STARD9: variants seen among roughly 807,000 people sequenced by gnomAD.
The protein encoded by STARD9 is StAR related lipid transfer domain containing 9.
A neutral mutation model predicts 399.8 loss-of-function variants in STARD9; 346 were observed. The ratio of observed to expected loss-of-function variants is 0.87; its 90% CI spans 0.79 to 0.95. STARD9 has a LOEUF of 0.95. Ranked by LOEUF, STARD9 falls within the 40% of genes least tolerant of loss-of-function variation. STARD9 has a pLI of 0.00. For missense variants in STARD9, 5,832 were observed against 5,667.5 expected (o/e 1.03, Z -0.93); for synonymous variants, 2,203 against 2,143.5 (o/e 1.03, Z -0.77).
chr15:42,590,767 A>C (rs924095301), intron 3 of STARD9, among the ~76,000 whole-genome samples: 1 of 152,112 alleles, frequency 6.6e-6, no homozygotes, highest in African/African-American at 2.4e-5. Context: ...CGAGAGAGAG[A>C]GAGCGAGAGA....
At chr15:42,581,973 C>A (rs1289908526) in intron 1 of STARD9, among the ~76,000 whole-genome samples, 4 of 152,002 alleles carry the variant, frequency 2.6e-5, no homozygotes, top group Admixed American at 6.6e-5. Flanking sequence ...TCGTCAACAA[C>A]AACAACAACA....
rs1375251421 is a variant in STARD9, at chr15:42,690,947, G to C, written c.9369G>C (p.Gln3123His). 1.4e-5 allele frequency: 21 copies of C among 1,537,120 alleles called. No individual in the cohort carries two copies. Among genetic ancestry groups the C allele is most frequent in the African/African-American group, 4.1e-5 (3 of 73,056 alleles). Reference sequence around the variant, plus strand: ...TTAGGGACAGCTCTGTAGGTGACCAGAATGCACAGGTGTGTCAAACCAATC... The same window carrying C: ...TTAGGGACAGCTCTGTAGGTGACCACAATGCACAGGTGTGTCAAACCAATC... Reference protein sequence around the residue: ...RQFRDSSVGDQNAQVCQTNPE... With the variant: ...RQFRDSSVGDHNAQVCQTNPE... The change falls in exon 23 of 33, where the codon CAG becomes CAC. Residue 3123 changes from glutamine (Q) to histidine (H), a missense_variant. This residue lies in a region of STARD9 where 5,828 missense variants were observed against 5,651.1 expected (regional missense o/e 1.03). Coordinates refer to ENST00000290607, the MANE Select transcript of STARD9 (RefSeq NM_020759.3).
At chr15:42,615,294 C>G (rs758117414) in intron 3 of STARD9, among the ~76,000 whole-genome samples, 2 of 152,080 alleles carry the variant, frequency 1.3e-5, no homozygotes, top group Non-Finnish European at 2.9e-5. Flanking sequence ...CAGGCATGAG[C>G]CACCACACCC....
At chr15:42,587,219 C>T (rs1005112802) in intron 3 of STARD9, among the ~76,000 whole-genome samples, 2 of 152,128 alleles carry the variant, frequency 1.3e-5, no homozygotes, top group African/African-American at 4.8e-5. Flanking sequence ...TCAGAGGAGA[C>T]AGTACTGATT....
intron 26 of STARD9, among the ~76,000 whole-genome samples, chr15:42,704,266 CTG>C (rs1028369381): frequency 6.6e-6 from 1 of 152,152 alleles, no homozygotes; most frequent in African/African-American, 2.4e-5. Flanking sequence ...AATTATTTCT[CTG>C]TGTTTTCTTG....
intron 3 of STARD9, among the ~76,000 whole-genome samples, chr15:42,595,457 A>G (rs544811262): frequency 1.2e-4 from 18 of 152,324 alleles, no homozygotes; most frequent in Middle Eastern, 6.8e-3. Context: ...TTATCAATCA[A>G]TGGCTATTAG....
chr15:42,611,839 A>G (rs2058856164), intron 3 of STARD9, among the ~76,000 whole-genome samples: 1 of 152,236 alleles, frequency 6.6e-6, no homozygotes, highest in African/African-American at 2.4e-5. Flanking sequence ...GCCAAGCCAC[A>G]TGACACTGGA....
rs537096561 is a variant in STARD9 at position 42,688,990 on chromosome 15, A to C, written c.7412A>C (p.Gln2471Pro). ...GCTTCTGAAGCCGAGGTGGCTGTACAAAAAGAAATAAGAGTCAGTTCACTG... is the reference window on the plus strand; with the variant it reads ...GCTTCTGAAGCCGAGGTGGCTGTACCAAAAGAAATAAGAGTCAGTTCACTG... ...DFASEAEVAV[Q>P]KEIRVSSLNK... The change falls in exon 23 of 33, where the codon CAA (glutamine) becomes CCA (proline). Residue 2471 changes from glutamine (Q) to proline (P), a missense_variant. Gln to Pro is a moderately conservative substitution (Grantham distance 76, BLOSUM62 -1). This residue lies in a region of STARD9 where 5,828 missense variants were observed against 5,651.1 expected (regional missense o/e 1.03). Transcript: ENST00000290607. 14 of 1,537,366 alleles carry C rather than the reference A, an allele frequency of 9.1e-6. No homozygotes were observed. In the African/African-American group the frequency reaches 1.4e-4, roughly 15 times the overall value.
Position 42,684,607 on chromosome 15 carries a change from T to G in STARD9, c.3029T>G (p.Leu1010Trp). 1 of 1,537,206 alleles carries G rather than the reference T, an allele frequency of 6.5e-7. No individual in the cohort carries two copies. Among genetic ancestry groups the G allele is most frequent in the Non-Finnish European group, 8.7e-7 (1 of 1,146,904 alleles). The change falls in exon 23 of 33, where the codon TTG (leucine) becomes TGG (tryptophan). Residue 1010 changes from leucine to tryptophan, a missense_variant. Coordinates refer to ENST00000290607, the MANE Select transcript of STARD9 (RefSeq NM_020759.3). The stretch of plus-strand genomic sequence containing the variant: ...GCTAAGGGAGCCAGTTGCAATTCCT[T>G]GTATCCTCATGGACCCAGGCAGACT... The part of the protein sequence containing the change: ...KAAKGASCNS[L>W]YPHGPRQTAG...
At chr15:42,671,168 T>C (rs938420129) in intron 16 of STARD9, 1 of 138,882 alleles carries the variant, frequency 7.2e-6, no homozygotes, top group Admixed American at 7.4e-5. Flanking sequence ...AGTCTTGCTG[T>C]GTCACCCAGG....
At chr15:42,580,520 TAAA>T (rs200346352) in intron 1 of STARD9, among the ~76,000 whole-genome samples, 5 of 149,974 alleles carry the variant, frequency 3.3e-5, no homozygotes, top group Non-Finnish European at 7.4e-5. Flanking sequence ...TGGCTCTCAA[TAAA>T]AAAAAACAAC....
At chr15:42,632,163 T>C (rs2059344687) in intron 3 of STARD9, among the ~76,000 whole-genome samples, 1 of 152,234 alleles carries the variant, frequency 6.6e-6, no homozygotes, top group South Asian at 2.1e-4. Flanking sequence ...TACATCCTTT[T>C]GCTGAATTGA....
intron 26 of STARD9, among the ~76,000 whole-genome samples, chr15:42,713,551 G>A (rs1159425673): frequency 6.6e-6 from 1 of 152,080 alleles, no homozygotes; most frequent in Non-Finnish European, 1.5e-5. Flanking sequence ...ACCTTTATCA[G>A]GTTGAGGAAA....
chr15:42,649,117 C>T (rs1466473288), intron 7 of STARD9, among the ~76,000 whole-genome samples: 1 of 152,056 alleles, frequency 6.6e-6, no homozygotes, highest in African/African-American at 2.4e-5. Context: ...GCAACCTCCA[C>T]CTCCTGGGTT....
rs1595768933 is a variant in STARD9, at chr15:42,685,535, C to T, written c.3957C>T (p.Asp1319=). 1 of 1,537,382 alleles carries T rather than the reference C, an allele frequency of 6.5e-7. No individual in the cohort carries two copies. Among genetic ancestry groups the T allele is most frequent in the Non-Finnish European group, 8.7e-7 (1 of 1,147,004 alleles). The change falls in exon 23 of 33, where the codon GAC becomes GAT. Residue 1319 remains aspartate, a synonymous_variant. Transcript: ENST00000290607. ...QVEPSYSEQA[D]SLQGMQLSRE... ...AGCCAAGCTACTCTGAACAAGCCGA[C>T]TCTCTCCAAGGCATGCAGCTTTCAA...
intron 3 of STARD9, among the ~76,000 whole-genome samples, chr15:42,617,970 G>A (rs1245236305): frequency 1.3e-5 from 2 of 152,040 alleles, no homozygotes; most frequent in African/African-American, 4.8e-5. Context: ...ATCTTATTGA[G>A]GTTAGTCTGA....
Position 42,684,163 on chromosome 15 carries a change from A to T in STARD9, c.2585A>T (p.Asp862Val), listed in dbSNP as rs1337349416. ...TCTACCACATTGCCACCTAGGCCTGACCCTACACACCAAACATCAGAGAAA... is the reference window on the plus strand; with the variant it reads ...TCTACCACATTGCCACCTAGGCCTGTCCCTACACACCAAACATCAGAGAAA... ...DPSTTLPPRP[D>V]PTHQTSEKTS... Residue 862 changes from aspartate to valine, a missense_variant, in exon 23 of 33, where the codon GAC (aspartate) becomes GTC (valine). Asp to Val is a radical substitution (Grantham distance 152). Coordinates refer to ENST00000290607, the MANE Select transcript of STARD9 (RefSeq NM_020759.3). The T allele has an allele frequency of 2.6e-6, 4 of 1,537,110 alleles. No individual in the cohort carries two copies. In the South Asian group the frequency reaches 3.6e-5, roughly 14 times the overall value.
chr15:42,670,553 T>A (rs181951506), intron 16 of STARD9: 2 of 152,222 alleles, frequency 1.3e-5, no homozygotes, highest in Non-Finnish European at 2.9e-5. Flanking sequence ...ACTGAAAATC[T>A]AGTTTTCATT....
chr15:42,612,264 C>A (rs1217475530), intron 3 of STARD9, among the ~76,000 whole-genome samples: 2 of 152,204 alleles, frequency 1.3e-5, no homozygotes, highest in African/African-American at 4.8e-5. Flanking sequence ...AGGCCGGAGC[C>A]ACCTCGCCTG....
Sources: allele counts gnomAD v4.1 joint callset (sites outside exome capture counted in the v4.1 genomes callset), GRCh38; gene constraint gnomAD v4.1.1; regional missense constraint gnomAD v4.1.1; transcripts MANE v1.5; gene names NCBI Gene and HGNC (gene_info 2026-07-23, HGNC 2026-07-21).